Variants in BCKDHB observed in about 807,000 individuals in gnomAD.
BCKDHB encodes 2-oxoisovalerate dehydrogenase subunit beta, mitochondrial.
A neutral mutation model predicts 48.5 loss-of-function variants in BCKDHB; 41 were observed. The observed-to-expected ratio is 0.85, with a 90% confidence interval of 0.66 to 1.10. The LOEUF is 1.10. Among genes scored for constraint, BCKDHB ranks in the 50% least tolerant of loss-of-function variants. The pLI, the probability that BCKDHB is intolerant of heterozygous loss-of-function variation, is 0.00. For missense variants in BCKDHB, 496 were observed against 494.2 expected (o/e 1.00, Z -0.03); for synonymous variants, 201 against 174.8 (o/e 1.15, Z -1.18).
At chr6:80,367,370 A>T in the BCKDHB span, among the ~76,000 whole-genome samples, 15 of 152,170 alleles carry the variant, frequency 9.9e-5, no homozygotes, top group Non-Finnish European at 1.9e-4. Context: ...TTATATGTGT[A>T]CTCACCAAAA....
the BCKDHB span, among the ~76,000 whole-genome samples, chr6:80,420,259 A>G: frequency 6.6e-6 from 1 of 152,152 alleles, no homozygotes; most frequent in African/African-American, 2.4e-5. Flanking sequence ...CCATGTTTGC[A>G]TTTGAAAAAG....
At chr6:80,140,715 T>A (rs994045092) in intron 3 of BCKDHB, among the ~76,000 whole-genome samples, 33 of 152,280 alleles carry the variant, frequency 2.2e-4, no homozygotes, top group Non-Finnish European at 4.0e-4. Context: ...TCAGTATTTT[T>A]TTGAGGATTT....
chr6:80,378,475 A>G, the BCKDHB span, among the ~76,000 whole-genome samples: 1 of 152,002 alleles, frequency 6.6e-6, no homozygotes, highest in Non-Finnish European at 1.5e-5. Flanking sequence ...GTGTATATAT[A>G]TAATATAAAG....
chr6:80,427,906 GT>G, the BCKDHB span, among the ~76,000 whole-genome samples: 2 of 151,984 alleles, frequency 1.3e-5, no homozygotes, highest in Admixed American at 1.3e-4. Context: ...TATACTTTAA[GT>G]TCTGGGACAC....
chr6:80,430,476 G>C, the BCKDHB span, among the ~76,000 whole-genome samples: 1 of 152,146 alleles, frequency 6.6e-6, no homozygotes. Context: ...GAATTCAGCT[G>C]TGAATCCTTC....
chr6:80,390,505 C>T, the BCKDHB span, among the ~76,000 whole-genome samples: 1 of 152,204 alleles, frequency 6.6e-6, no homozygotes, highest in Non-Finnish European at 1.5e-5. Flanking sequence ...CATGTATACA[C>T]TTGTGCTAAG....
intron 9 of BCKDHB, among the ~76,000 whole-genome samples, chr6:80,338,170 G>T (rs1179636906): frequency 1.3e-5 from 2 of 152,166 alleles, no homozygotes; most frequent in African/African-American, 4.8e-5. Flanking sequence ...GCCTGGAATT[G>T]TCTTGCATTA....
chr6:80,229,502 G>A (rs1283526629), intron 8 of BCKDHB, among the ~76,000 whole-genome samples: 2 of 152,076 alleles, frequency 1.3e-5, no homozygotes, highest in East Asian at 3.9e-4. Context: ...TGTAAGAGAT[G>A]AAGTCATGGA....
At chr6:80,174,613 A>T (rs1773067902) in intron 6 of BCKDHB, among the ~76,000 whole-genome samples, 1 of 152,204 alleles carries the variant, frequency 6.6e-6, no homozygotes. Context: ...CTGTAATCTT[A>T]ACCAAATGGA....
intron 9 of BCKDHB, among the ~76,000 whole-genome samples, chr6:80,303,783 C>T (rs1339859330): frequency 2.0e-5 from 3 of 151,940 alleles, no homozygotes; most frequent in African/African-American, 4.8e-5. Context: ...CTTTATGACA[C>T]CTCTAATTAA....
chr6:80,209,808 A>G (rs773392332), intron 8 of BCKDHB, among the ~76,000 whole-genome samples: 3 of 152,016 alleles, frequency 2.0e-5, no homozygotes, highest in Non-Finnish European at 4.4e-5. Flanking sequence ...GCTTCATTAC[A>G]TTTAAGAAAA....
intron 9 of BCKDHB, among the ~76,000 whole-genome samples, chr6:80,290,120 G>C (rs1276661834): frequency 1.3e-5 from 2 of 152,204 alleles, no homozygotes; most frequent in Non-Finnish European, 2.9e-5. Flanking sequence ...CAGCTGGAAT[G>C]CCAACCTAAT....
chr6:80,194,906 G>T (rs1328623799), intron 6 of BCKDHB, among the ~76,000 whole-genome samples: 2 of 152,080 alleles, frequency 1.3e-5, no homozygotes, highest in Non-Finnish European at 2.9e-5. Flanking sequence ...GTAAAACCTT[G>T]TCATGCTTAT....
At chr6:80,417,442 G>T in the BCKDHB span, among the ~76,000 whole-genome samples, 2 of 151,612 alleles carry the variant, frequency 1.3e-5, no homozygotes, top group African/African-American at 4.8e-5. Context: ...TATAGTGTCA[G>T]TGTGTACCTC....
intron 8 of BCKDHB, among the ~76,000 whole-genome samples, chr6:80,238,213 T>A (rs1452425262): frequency 1.3e-5 from 2 of 152,242 alleles, no homozygotes; most frequent in Non-Finnish European, 2.9e-5. Flanking sequence ...TTCTCCTGCC[T>A]CAGCCTCCTG....
At chr6:80,300,441 A>G (rs932591188) in intron 9 of BCKDHB, among the ~76,000 whole-genome samples, 6 of 152,366 alleles carry the variant, frequency 3.9e-5, no homozygotes, top group Non-Finnish European at 8.8e-5. Flanking sequence ...AAAGGGTACA[A>G]TCCAATAAAA....
intron 9 of BCKDHB, among the ~76,000 whole-genome samples, chr6:80,336,104 T>C (rs1006671421): frequency 3.9e-5 from 6 of 152,108 alleles, no homozygotes; most frequent in Non-Finnish European, 8.8e-5. Flanking sequence ...GAGAAAATAG[T>C]AATTCATATT....
At chr6:80,145,507 C>A (rs1415310315) in intron 3 of BCKDHB, among the ~76,000 whole-genome samples, 5 of 152,140 alleles carry the variant, frequency 3.3e-5, no homozygotes, top group Non-Finnish European at 1.5e-5. Context: ...CTTTTGTTTC[C>A]AACTAGAATG....
Position 80,300,049 on chromosome 6 carries a change from T to C in BCKDHB, c.1038+26828T>C, listed in dbSNP as rs1301246124. 2.0e-5 allele frequency among the ~76,000 whole-genome samples: 3 copies of C among 150,882 alleles called. No homozygotes were observed. The East Asian group carries it at 5.8e-4, about 29-fold the overall frequency. On this transcript the variant is annotated intron_variant, in intron 9 of 9. Coordinates refer to ENST00000320393, the MANE Select transcript of BCKDHB (RefSeq NM_183050.4). ...AAAACAAAAGAGGAACAAGAGCCAC[T>C]AGTCTTTTTTTTTTTTTTAAAGACA...
Sources: gnomAD v4.1 joint callset for allele counts (sites outside exome capture counted in the v4.1 genomes callset) on GRCh38, gnomAD v4.1.1 for gene constraint, MANE v1.5 for transcripts, NCBI Gene and HGNC (gene_info 2026-07-23, HGNC 2026-07-21) for gene names.